RUNX2: variants seen among roughly 807,000 people sequenced by gnomAD.
RUNX2 encodes RUNX family transcription factor 2.
In RUNX2, 10 loss-of-function variants were observed where a neutral mutation model predicts 51.7. That is an observed-to-expected ratio of 0.19 (90% CI 0.12 to 0.33). The LOEUF (loss-of-function observed/expected upper bound fraction) is 0.33. RUNX2 is among the 10% of genes least tolerant of loss of function. RUNX2 has a pLI of 1.00. For synonymous variants in RUNX2, 276 were observed against 273.6 expected (o/e 1.01, Z -0.09); for missense variants, 562 against 691.3 (o/e 0.81, Z 2.10).
intron 2 of RUNX2, chr6:45,361,558 A>C (rs1003709107): frequency 6.6e-6 from 1 of 152,222 alleles, no homozygotes; most frequent in Non-Finnish European, 1.5e-5. Context: ...AAAAGATTTC[A>C]CTTTCAAATT....
At chr6:45,332,324 G>C (rs1274806325) in intron 2 of RUNX2, among the ~76,000 whole-genome samples, 1 of 150,442 alleles carries the variant, frequency 6.6e-6, no homozygotes, top group African/African-American at 2.4e-5. Context: ...AAAAGGTTAG[G>C]GGTTACCTAA....
At chr6:45,337,872 A>G (rs538848532) in intron 2 of RUNX2, among the ~76,000 whole-genome samples, 1 of 152,078 alleles carries the variant, frequency 6.6e-6, no homozygotes, top group Admixed American at 6.6e-5. Context: ...ATAAGATTTT[A>G]TTTTTTTAGA....
In RUNX2 at chr6:45,491,630, T is replaced by TTG. The variant is rs1554395329; in HGVS notation, c.686-310_686-309insGT. ...ACACATCTCTCCTGTTTGTTTTTTTTTTTTTTTTTTTTTTTACTGAGAGGG... is the reference window on the plus strand; with the variant it reads ...ACACATCTCTCCTGTTTGTTTTTTTTTGTTTTTTTTTTTTTTTACTGAGAGGG... On this transcript the variant is annotated intron_variant, in intron 5 of 8. Coordinates refer to ENST00000647337, the MANE Select transcript of RUNX2 (RefSeq NM_001024630.4). Among the ~76,000 whole-genome samples, 1,057 of 148,576 alleles carry TTG rather than the reference T, an allele frequency of 7.1e-3. 15 individuals are homozygous for TTG. The highest frequency in any genetic ancestry group is 0.024 in the African/African-American group (971 of 40,252).
intron 2 of RUNX2, among the ~76,000 whole-genome samples, chr6:45,362,398 C>G (rs1794419044): frequency 6.6e-6 from 1 of 152,142 alleles, no homozygotes; most frequent in Admixed American, 6.5e-5. Flanking sequence ...CTATGAACAG[C>G]AGCAGTAGGG....
chr6:45,456,828 G>A (rs1039567209), intron 5 of RUNX2, among the ~76,000 whole-genome samples: 5 of 152,216 alleles, frequency 3.3e-5, no homozygotes, highest in Non-Finnish European at 7.3e-5. Flanking sequence ...AAAGCAGACA[G>A]AGAAGATGCC....
intron 2 of RUNX2, among the ~76,000 whole-genome samples, chr6:45,415,907 A>T (rs1461869756): frequency 6.6e-6 from 1 of 152,232 alleles, no homozygotes; most frequent in Non-Finnish European, 1.5e-5. Flanking sequence ...TGGAAGAAAT[A>T]TTGTCACTAA....
chr6:45,479,121 G>A (rs1434612630), intron 5 of RUNX2, among the ~76,000 whole-genome samples: 2 of 152,150 alleles, frequency 1.3e-5, no homozygotes. Context: ...CTTGAGAAGA[G>A]CCCATCCTCT....
intron 3 of RUNX2, among the ~76,000 whole-genome samples, chr6:45,429,161 T>C (rs1240212417): frequency 2.0e-5 from 3 of 152,216 alleles, no homozygotes; most frequent in Non-Finnish European, 4.4e-5. Flanking sequence ...GAAGTTATTT[T>C]GTGTGAGGTC....
At chr6:45,476,720 TA>T (rs1799965957) in intron 5 of RUNX2, among the ~76,000 whole-genome samples, 1 of 152,222 alleles carries the variant, frequency 6.6e-6, no homozygotes. Flanking sequence ...ACCTGGTATA[TA>T]AAATTATAGA....
intron 2 of RUNX2, among the ~76,000 whole-genome samples, chr6:45,346,563 A>ATTTT (rs1554355142): frequency 1.8e-5 from 2 of 112,582 alleles, no homozygotes; most frequent in Non-Finnish European, 3.7e-5. Flanking sequence ...TTCAATAAAC[A>ATTTT]TTTCTTTTTT....
intron 2 of RUNX2, among the ~76,000 whole-genome samples, chr6:45,362,385 G>A (rs1169629320): frequency 2.0e-5 from 3 of 152,126 alleles, no homozygotes; most frequent in Non-Finnish European, 4.4e-5. Flanking sequence ...AACAGGCTTA[G>A]AACTATGAAC....
chr6:45,480,080 G>C (rs971971133), intron 5 of RUNX2, among the ~76,000 whole-genome samples: 1 of 152,072 alleles, frequency 6.6e-6, no homozygotes, highest in Non-Finnish European at 1.5e-5. Context: ...AAGAATACTG[G>C]GATTAACACA....
At chr6:45,467,122 C>T (rs1300652066) in intron 5 of RUNX2, among the ~76,000 whole-genome samples, 6 of 152,100 alleles carry the variant, frequency 3.9e-5, no homozygotes, top group South Asian at 2.1e-4. Context: ...TTACTCTGGC[C>T]GACTTTCAGT....
At chr6:45,494,179 C>CA (rs1383697144) in intron 6 of RUNX2, among the ~76,000 whole-genome samples, 1 of 152,168 alleles carries the variant, frequency 6.6e-6, no homozygotes, top group Non-Finnish European at 1.5e-5. Context: ...GAGTGAGGCT[C>CA]AGAGGAGGTG....
intron 2 of RUNX2, among the ~76,000 whole-genome samples, chr6:45,392,812 C>T (rs1250527734): frequency 6.6e-6 from 1 of 151,970 alleles, no homozygotes; most frequent in Non-Finnish European, 1.5e-5. Flanking sequence ...ATCATTACTG[C>T]AAGTATTTCT....
chr6:45,532,203 A>G (rs1420269227), intron 7 of RUNX2, among the ~76,000 whole-genome samples: 1 of 111,886 alleles, frequency 8.9e-6, no homozygotes, highest in Non-Finnish European at 1.7e-5. Context: ...TTGAATGTAT[A>G]GCTTTATTAC....
chr6:45,478,355 C>A (rs559585273), intron 5 of RUNX2, among the ~76,000 whole-genome samples: 1 of 152,294 alleles, frequency 6.6e-6, no homozygotes, highest in African/African-American at 2.4e-5. Context: ...AGGACATTTT[C>A]ACCTCTTATT....
In RUNX2 at chr6:45,422,910, C is replaced by G; in HGVS notation, c.376C>G (p.Leu126Val). 6.2e-7 allele frequency: 1 copy of G among 1,612,840 alleles called. No individual in the cohort carries two copies. The highest frequency in any genetic ancestry group is 8.5e-7 in the Non-Finnish European group (1 of 1,179,684). Reference sequence around the variant, plus strand: ...CAGCCCCAACTTCCTGTGCTCGGTGCTGCCCTCGCACTGGCGCTGCAACAA... The same window carrying G: ...CAGCCCCAACTTCCTGTGCTCGGTGGTGCCCTCGCACTGGCGCTGCAACAA... ...TDSPNFLCSVLPSHWRCNKTL... is the reference protein window; with the variant it reads ...TDSPNFLCSVVPSHWRCNKTL... The change falls in exon 3 of 9, where the codon CTG becomes GTG. Residue 126 changes from leucine (L) to valine (V), a missense_variant. Coordinates refer to ENST00000647337, the MANE Select transcript of RUNX2 (RefSeq NM_001024630.4).
At chr6:45,334,528 A>C (rs1328482549) in intron 2 of RUNX2, among the ~76,000 whole-genome samples, 5 of 150,926 alleles carry the variant, frequency 3.3e-5, no homozygotes, top group Non-Finnish European at 6.0e-5. Flanking sequence ...TTGAATACAT[A>C]TATATGCAGT....
Sources: gnomAD v4.1 joint callset for allele counts (sites outside exome capture counted in the v4.1 genomes callset) on GRCh38, gnomAD v4.1.1 for gene constraint, MANE v1.5 for transcripts, NCBI Gene and HGNC (gene_info 2026-07-23, HGNC 2026-07-21) for gene names.